The following LIMCH1 variants were observed in gnomAD, a reference collection of about 807,000 sequenced individuals.
The protein encoded by LIMCH1 is LIM and calponin homology domains 1.
LIMCH1 carries 113 observed loss-of-function variants against 176.5 expected under a neutral mutation model. The ratio of observed to expected loss-of-function variants is 0.64; its 90% CI spans 0.55 to 0.75. The LOEUF (loss-of-function observed/expected upper bound fraction) is 0.75, where lower values mean the gene tolerates loss of function less well. LIMCH1 is among the 30% of genes least tolerant of loss of function. The pLI is 0.00. For synonymous variants in LIMCH1, 619 were observed against 645.9 expected (o/e 0.96, Z 0.63); for missense variants, 1,674 against 1,814.9 (o/e 0.92, Z 1.41).
chr4:41,680,407 T>C (rs1232859953), intron 24 of LIMCH1, among the ~76,000 whole-genome samples: 1 of 152,200 alleles, frequency 6.6e-6, no homozygotes, highest in Non-Finnish European at 1.5e-5. Context: ...AATAATCAGT[T>C]CCATTCATTT....
intron 1 of LIMCH1, among the ~76,000 whole-genome samples, chr4:41,465,525 T>TC (rs2065982284): frequency 1.3e-5 from 2 of 152,360 alleles, no homozygotes; most frequent in South Asian, 4.1e-4. Flanking sequence ...CTGCCCATTT[T>TC]CCTCCATTGG....
chr4:41,579,597 C>T (rs2085066035), intron 1 of LIMCH1, among the ~76,000 whole-genome samples: 1 of 152,208 alleles, frequency 6.6e-6, no homozygotes, highest in Admixed American at 6.5e-5. Context: ...AAACATCAAA[C>T]AAATCAAACT....
rs913189838 is a variant in LIMCH1 at position 41,519,449 on chromosome 4, A to G, written c.168-4960A>G. The stretch of plus-strand genomic sequence containing the variant: ...ATTTCATTTGTATCATAAAATTAAC[A>G]TTTATTTTTGATTACTCTCAGTGCC... On this transcript the variant is annotated intron_variant, in intron 2 of 26. Coordinates refer to the LIMCH1 transcript ENST00000313860. Among the ~76,000 whole-genome samples the G allele has an allele frequency of 9.9e-5, 15 of 151,922 alleles. No individual in the cohort carries two copies. In the South Asian group the frequency reaches 1.0e-3, roughly 10 times the overall value.
At chr4:41,633,886 AC>A in intron 13 of LIMCH1, 78 bp downstream of exon 13, 5 of 1,418,238 alleles carry the variant, frequency 3.5e-6, no homozygotes, top group Non-Finnish European at 4.7e-6. Context: ...GCATTATGGC[AC>A]CTCAGTGCCG....
chr4:41,491,784 C>T (rs184204067), intron 1 of LIMCH1, among the ~76,000 whole-genome samples: 2,044 of 140,554 alleles, frequency 0.015, 37 homozygotes, highest in Non-Finnish European at 0.021. Context: ...CGGGCAGAGG[C>T]GCTCCTCACT....
chr4:41,679,556 C>G (rs149430411), intron 23 of LIMCH1, among the ~76,000 whole-genome samples: 1 of 152,204 alleles, frequency 6.6e-6, no homozygotes, highest in East Asian at 1.9e-4. Flanking sequence ...ATCATCTTGT[C>G]CACGGTGGAC....
At chr4:41,475,262 G>C (rs1173878472) in intron 1 of LIMCH1, among the ~76,000 whole-genome samples, 1 of 152,172 alleles carries the variant, frequency 6.6e-6, no homozygotes, top group African/African-American at 2.4e-5. Flanking sequence ...TGTTTATATA[G>C]TTACATGCTT....
At chr4:41,379,300 G>A (rs895917027) in intron 1 of LIMCH1, among the ~76,000 whole-genome samples, 4 of 152,188 alleles carry the variant, frequency 2.6e-5, no homozygotes, top group African/African-American at 7.2e-5. Flanking sequence ...CTGTTGGCAG[G>A]AGGTATTAGT....
At chr4:41,407,447 C>A (rs1351616657) in intron 1 of LIMCH1, among the ~76,000 whole-genome samples, 1 of 152,140 alleles carries the variant, frequency 6.6e-6, no homozygotes, top group Non-Finnish European at 1.5e-5. Flanking sequence ...CCAGGCTGGT[C>A]TCAAACTCCT....
chr4:41,691,655 C>T (rs1725930574), intron 30 of LIMCH1, among the ~76,000 whole-genome samples: 1 of 150,446 alleles, frequency 6.6e-6, no homozygotes. Flanking sequence ...CCCATCTACT[C>T]AGGAGGCTGA....
intron 1 of LIMCH1, among the ~76,000 whole-genome samples, chr4:41,442,424 T>C (rs1387460611): frequency 6.6e-6 from 1 of 152,270 alleles, no homozygotes; most frequent in African/African-American, 2.4e-5. Flanking sequence ...TGTCTATTCT[T>C]GCCCACTTTT....
chr4:41,517,042 T>C (rs2075648526), intron 2 of LIMCH1, among the ~76,000 whole-genome samples: 1 of 152,226 alleles, frequency 6.6e-6, no homozygotes, highest in Non-Finnish European at 1.5e-5. Context: ...ATTTCCACTC[T>C]TGTATGGCCT....
chr4:41,646,446 A>G (rs1182841511), intron 16 of LIMCH1, 39 bp from the exon 17 acceptor site: 2 of 1,591,396 alleles, frequency 1.3e-6, no homozygotes, highest in Admixed American at 1.8e-5. Flanking sequence ...TGCAATTTTC[A>G]TTAGTTGACT....
chr4:41,663,912 G>C (rs928230139), intron 20 of LIMCH1, among the ~76,000 whole-genome samples: 1 of 150,774 alleles, frequency 6.6e-6, no homozygotes, highest in African/African-American at 2.4e-5. Flanking sequence ...ATGGTGGTGA[G>C]TGCCTGTAAT....
At chr4:41,507,609 G>A (rs1455720250) in intron 2 of LIMCH1, among the ~76,000 whole-genome samples, 4 of 152,318 alleles carry the variant, frequency 2.6e-5, no homozygotes, top group South Asian at 4.1e-4. Flanking sequence ...AGCTGGGGAT[G>A]AAGACCAAAA....
chr4:41,478,873 A>C (rs10031048), intron 1 of LIMCH1, among the ~76,000 whole-genome samples: 24,644 of 152,192 alleles, frequency 0.16, 2,942 homozygotes, highest in African/African-American at 0.34. Flanking sequence ...TAGTGAAAAT[A>C]AATATGAAAA....
chr4:41,501,173 G>A (rs954024897), intron 2 of LIMCH1, among the ~76,000 whole-genome samples: 1 of 152,168 alleles, frequency 6.6e-6, no homozygotes, highest in African/African-American at 2.4e-5. Context: ...CCACACATGA[G>A]TTAGTTCTAC....
chr4:41,605,630 T>A (rs1255040612), intron 3 of LIMCH1, among the ~76,000 whole-genome samples: 1 of 152,248 alleles, frequency 6.6e-6, no homozygotes, highest in Non-Finnish European at 1.5e-5. Flanking sequence ...CTTGCTGTCT[T>A]AGAGATCATT....
At chr4:41,473,063 AC>A (rs1340601055) in intron 1 of LIMCH1, 4 of 985,128 alleles carry the variant, frequency 4.1e-6, no homozygotes, top group African/African-American at 1.7e-5. Flanking sequence ...TCCATTCAAG[AC>A]AAGAGGTGAA....
Sources: gnomAD v4.1 joint callset for allele counts (sites outside exome capture counted in the v4.1 genomes callset) on GRCh38, gnomAD v4.1.1 for gene constraint, MANE v1.5 for transcripts, NCBI Gene and HGNC (gene_info 2026-07-23, HGNC 2026-07-21) for gene names.